ADAMTS17: variants seen among roughly 807,000 people sequenced by gnomAD.
ADAMTS17 encodes the protein A disintegrin and metalloproteinase with thrombospondin motifs 17.
Under a neutral mutation model 141.5 loss-of-function variants are expected in ADAMTS17, and 113 were observed. The observed-to-expected ratio is 0.80, with a 90% CI of 0.69 to 0.93. The LOEUF is 0.93. Ranked by LOEUF, ADAMTS17 falls within the 40% of genes least tolerant of loss-of-function variation. ADAMTS17 has a pLI of 0.00. For synonymous variants in ADAMTS17, 768 were observed against 630.6 expected (o/e 1.22, Z -3.27); for missense variants, 1,659 against 1,517.9 (o/e 1.09, Z -1.54).
At chr15:100,063,773 C>A (rs747651640) in intron 15 of ADAMTS17, 1 of 1,289,424 alleles carries the variant, frequency 7.8e-7, no homozygotes, top group African/African-American at 1.5e-5. Flanking sequence ...TAGCAACAAA[C>A]GACACAGAAG....
chr15:99,982,093 C>G (rs1289881723), intron 20 of ADAMTS17, among the ~76,000 whole-genome samples: 1 of 152,092 alleles, frequency 6.6e-6, no homozygotes, highest in Non-Finnish European at 1.5e-5. Flanking sequence ...GGATAACAAA[C>G]TCTTGTTTGT....
At chr15:100,073,355 C>T (rs889340245) in intron 15 of ADAMTS17, among the ~76,000 whole-genome samples, 23 of 152,204 alleles carry the variant, frequency 1.5e-4, no homozygotes, top group African/African-American at 4.8e-4. Flanking sequence ...GTCAGTGTGG[C>T]GATTCCTCAG....
rs74983897 is a variant in ADAMTS17 at position 100,033,129 on chromosome 15, T to C, written c.2591+15728A>G. Reference sequence around the variant, plus strand: ...GAAGCAGAAGGCCCAGTGAACAGGGTTGAACCAGCAGCTGATGAGTCCACT... The same window carrying C: ...GAAGCAGAAGGCCCAGTGAACAGGGCTGAACCAGCAGCTGATGAGTCCACT... On this transcript the variant is annotated intron_variant, in intron 18 of 21. Transcript: ENST00000268070. Among the ~76,000 whole-genome samples, 1,024 of 152,262 alleles carry C rather than the reference T, an allele frequency of 6.7e-3. 10 individuals carry two copies. Among genetic ancestry groups the C allele is most frequent in the Non-Finnish European group, 0.011 (730 of 68,026 alleles).
intron 3 of ADAMTS17, among the ~76,000 whole-genome samples, chr15:100,287,631 G>T (rs1278202332): frequency 6.6e-6 from 1 of 152,170 alleles, no homozygotes; most frequent in African/African-American, 2.4e-5. Flanking sequence ...AAGGCAACTA[G>T]GGAGAAGAGG....
At chr15:100,218,776 A>C (rs571572879) in intron 7 of ADAMTS17, among the ~76,000 whole-genome samples, 14 of 151,816 alleles carry the variant, frequency 9.2e-5, no homozygotes, top group African/African-American at 3.1e-4. Flanking sequence ...TCAAACATGA[A>C]TATTTATGGA....
intron 18 of ADAMTS17, among the ~76,000 whole-genome samples, chr15:100,042,258 A>C (rs2727160): frequency 0.65 from 99,254 of 151,998 alleles, 33,980 homozygotes; most frequent in Non-Finnish European, 0.77. Context: ...CTTATGAAAG[A>C]CTCATGACAA....
chr15:100,074,789 G>A (rs188447035), intron 15 of ADAMTS17, among the ~76,000 whole-genome samples: 18 of 152,184 alleles, frequency 1.2e-4, no homozygotes, highest in East Asian at 5.8e-4. Context: ...TTTATATAGA[G>A]GCACGATTGG....
chr15:100,222,086 T>C (rs556832472), intron 7 of ADAMTS17, among the ~76,000 whole-genome samples: 6 of 152,204 alleles, frequency 3.9e-5, no homozygotes, highest in Non-Finnish European at 8.8e-5. Flanking sequence ...GGCAGTCTGA[T>C]CTCACCACTG....
intron 7 of ADAMTS17, among the ~76,000 whole-genome samples, chr15:100,211,295 T>A (rs114048039): frequency 0.11 from 6,934 of 60,832 alleles, 627 homozygotes; most frequent in African/African-American, 0.33. Context: ...GACAACTTCA[T>A]CTCAAAAAAA....
intron 18 of ADAMTS17, among the ~76,000 whole-genome samples, chr15:100,032,631 TG>T (rs2030290953): frequency 6.6e-6 from 1 of 152,224 alleles, no homozygotes; most frequent in East Asian, 1.9e-4. Context: ...AATTTAGAGC[TG>T]CCTTGGTCAA....
chr15:100,278,647 G>C (rs1477311600), intron 4 of ADAMTS17, among the ~76,000 whole-genome samples: 1 of 152,194 alleles, frequency 6.6e-6, no homozygotes, highest in African/African-American at 2.4e-5. Context: ...GATAGAGGGA[G>C]TTTCCTGCAG....
chr15:100,332,329 T>A (rs949755688), intron 2 of ADAMTS17, among the ~76,000 whole-genome samples: 1 of 152,204 alleles, frequency 6.6e-6, no homozygotes, highest in Non-Finnish European at 1.5e-5. Context: ...CAGAGCTCCA[T>A]CACAGCTGTG....
chr15:100,150,275 T>C (rs1243241397), intron 10 of ADAMTS17, among the ~76,000 whole-genome samples: 1 of 152,134 alleles, frequency 6.6e-6, no homozygotes, highest in Non-Finnish European at 1.5e-5. Context: ...CATGAAAATA[T>C]GATTCTGAAG....
chr15:100,335,161 G>A (rs920098340), intron 2 of ADAMTS17, among the ~76,000 whole-genome samples: 2 of 152,126 alleles, frequency 1.3e-5, no homozygotes, highest in Non-Finnish European at 2.9e-5. Context: ...ATGGGGCCCA[G>A]CAGTCAGTTT....
chr15:100,115,718 G>C (rs1050285898), intron 13 of ADAMTS17, among the ~76,000 whole-genome samples: 1 of 152,196 alleles, frequency 6.6e-6, no homozygotes, highest in African/African-American at 2.4e-5. Flanking sequence ...TCACAGGGAA[G>C]AAACATAAGA....
chr15:99,974,775 C>T (rs528107383), intron 21 of ADAMTS17, among the ~76,000 whole-genome samples: 1 of 152,370 alleles, frequency 6.6e-6, no homozygotes, highest in African/African-American at 2.4e-5. Context: ...AACCCAACCA[C>T]ATGACAGAGT....
intron 15 of ADAMTS17, among the ~76,000 whole-genome samples, chr15:100,078,304 A>G (rs1322503583): frequency 2.0e-5 from 3 of 152,212 alleles, no homozygotes; most frequent in Admixed American, 1.3e-4. Context: ...TAATACTTCA[A>G]AAGAAGTTGA....
intron 13 of ADAMTS17, among the ~76,000 whole-genome samples, chr15:100,111,293 G>C (rs997025840): frequency 1.4e-4 from 22 of 152,262 alleles, no homozygotes; most frequent in Non-Finnish European, 3.2e-4. Context: ...TTTCAGGTCT[G>C]ATGGGAGCTG....
At chr15:100,197,957 A>C (rs991163603) in intron 8 of ADAMTS17, among the ~76,000 whole-genome samples, 1 of 152,174 alleles carries the variant, frequency 6.6e-6, no homozygotes, top group Non-Finnish European at 1.5e-5. Flanking sequence ...TCTCACTCAT[A>C]AGTGGGAGTT....
Sources: gnomAD v4.1 joint callset for allele counts (sites outside exome capture counted in the v4.1 genomes callset) on GRCh38, gnomAD v4.1.1 for gene constraint, MANE v1.5 for transcripts, NCBI Gene and HGNC (gene_info 2026-07-23, HGNC 2026-07-21) for gene names.